The following LRMDA variants were observed in gnomAD, a reference collection of about 807,000 sequenced individuals.
The protein encoded by LRMDA is leucine-rich melanocyte differentiation-associated protein.
LRMDA carries 18 observed loss-of-function variants against 29.8 expected under a neutral mutation model. The observed-to-expected ratio is 0.60, with a 90% confidence interval of 0.42 to 0.90. The LOEUF (loss-of-function observed/expected upper bound fraction) is 0.90. LRMDA is among the 40% of genes least tolerant of loss of function. The pLI is 0.00. For missense variants in LRMDA, 273 were observed against 273.9 expected (o/e 1.00, Z 0.02); for synonymous variants, 125 against 109.4 (o/e 1.14, Z -0.89).
At chr10:76,350,568 G>A (rs987915702) in intron 6 of LRMDA, among the ~76,000 whole-genome samples, 5 of 151,988 alleles carry the variant, frequency 3.3e-5, no homozygotes, top group African/African-American at 1.2e-4. Flanking sequence ...ATAGAAGAGG[G>A]AGGAATATCA....
chr10:75,517,036 A>T (rs2132035175), intron 2 of LRMDA, among the ~76,000 whole-genome samples: 1 of 151,982 alleles, frequency 6.6e-6, no homozygotes, highest in East Asian at 1.9e-4. Flanking sequence ...TTCTGAGGCC[A>T]CTGTTCTGTT....
At chr10:75,627,784 C>T (rs1386047262) in intron 2 of LRMDA, among the ~76,000 whole-genome samples, 1 of 152,212 alleles carries the variant, frequency 6.6e-6, no homozygotes, top group Non-Finnish European at 1.5e-5. Context: ...AAGATATGAA[C>T]ACTAAATTGG....
chr10:76,061,663 G>A (rs956768865), intron 5 of LRMDA, among the ~76,000 whole-genome samples: 5 of 152,244 alleles, frequency 3.3e-5, no homozygotes, highest in African/African-American at 9.6e-5. Flanking sequence ...CTGTGCTCCC[G>A]TTTCATGGAT....
intron 2 of LRMDA, among the ~76,000 whole-genome samples, chr10:75,584,667 G>C (rs534448752): frequency 6.6e-6 from 1 of 152,178 alleles, no homozygotes; most frequent in Non-Finnish European, 1.5e-5. Flanking sequence ...ATGGGGTGGT[G>C]AAAGATATAT....
At position 76,409,131 on chromosome 10, in the gene LRMDA, A is replaced by T. The variant is rs184340994; in HGVS notation, c.601+84646A>T. 2.0e-5 allele frequency among the ~76,000 whole-genome samples: 3 copies of T among 152,200 alleles called. No homozygotes were observed. In the East Asian group the frequency reaches 5.8e-4, roughly 29 times the overall value. On this transcript the variant is annotated intron_variant, in intron 6 of 6. Coordinates refer to ENST00000611255, the MANE Select transcript of LRMDA (RefSeq NM_001305581.2). Reference sequence around the variant, plus strand: ...GGTGATTTTAAATAAACATTCATTCATTCATTCTGTCTCTCTCTACAAGAG... The same window carrying T: ...GGTGATTTTAAATAAACATTCATTCTTTCATTCTGTCTCTCTCTACAAGAG...
intron 6 of LRMDA, among the ~76,000 whole-genome samples, chr10:76,429,023 T>TACACACATAC (rs1554820435): frequency 1.3e-5 from 2 of 149,846 alleles, no homozygotes; most frequent in East Asian, 3.9e-4. Flanking sequence ...CTGCCAATTA[T>TACACACATAC]ACACACACAC....
chr10:75,850,115 C>T (rs966005833), intron 2 of LRMDA, among the ~76,000 whole-genome samples: 2 of 152,088 alleles, frequency 1.3e-5, no homozygotes, highest in Non-Finnish European at 2.9e-5. Context: ...ATAGTCTATC[C>T]AGTTTAATAA....
intron 5 of LRMDA, among the ~76,000 whole-genome samples, chr10:76,217,521 A>C (rs1277164946): frequency 1.3e-5 from 2 of 152,162 alleles, no homozygotes; most frequent in Non-Finnish European, 2.9e-5. Flanking sequence ...TTCCTTGTAG[A>C]TACAGAATAT....
At chr10:76,483,575 G>C (rs1589210907) in intron 6 of LRMDA, among the ~76,000 whole-genome samples, 1 of 151,788 alleles carries the variant, frequency 6.6e-6, no homozygotes, top group East Asian at 2.0e-4. Context: ...TTCCTACCTG[G>C]TTCTGGGGCA....
intron 5 of LRMDA, among the ~76,000 whole-genome samples, chr10:76,086,840 G>A (rs1849144221): frequency 6.6e-6 from 1 of 152,150 alleles, no homozygotes; most frequent in Non-Finnish European, 1.5e-5. Context: ...GCTGTGTACA[G>A]GGCATCTCAG....
At chr10:76,451,321 C>G (rs957837769) in intron 6 of LRMDA, among the ~76,000 whole-genome samples, 3 of 152,068 alleles carry the variant, frequency 2.0e-5, no homozygotes, top group Admixed American at 1.3e-4. Flanking sequence ...CCTGCCTAAG[C>G]CTCCCAAGTA....
chr10:76,475,101 C>T (rs746132979), intron 6 of LRMDA, among the ~76,000 whole-genome samples: 4 of 151,572 alleles, frequency 2.6e-5, no homozygotes, highest in Admixed American at 6.6e-5. Context: ...TAAAAAAACC[C>T]AGTTACCAAT....
intron 2 of LRMDA, among the ~76,000 whole-genome samples, chr10:75,565,999 T>C (rs909575256): frequency 6.6e-6 from 1 of 152,158 alleles, no homozygotes; most frequent in Non-Finnish European, 1.5e-5. Context: ...TGCTTGAGCC[T>C]GGAAGGTCAA....
At chr10:75,451,520 C>G (rs1021021815) in intron 2 of LRMDA, 3 of 152,006 alleles carry the variant, frequency 2.0e-5, no homozygotes, top group Non-Finnish European at 4.4e-5. Flanking sequence ...CAGTGCAGAG[C>G]TAAATAAATG....
chr10:75,947,214 G>A (rs1473594348), intron 2 of LRMDA, among the ~76,000 whole-genome samples: 1 of 152,172 alleles, frequency 6.6e-6, no homozygotes, highest in African/African-American at 2.4e-5. Context: ...GCCAATATCT[G>A]ACCAGTCTTG....
At chr10:76,229,339 T>G (rs11001699) in intron 5 of LRMDA, among the ~76,000 whole-genome samples, 9,250 of 152,056 alleles carry the variant, frequency 0.061, 328 homozygotes, top group South Asian at 0.093. Flanking sequence ...GAGAGAGTAG[T>G]GGGGGTCTGC....
rs1282376087 is a variant in LRMDA, at chr10:75,672,578, T to A, written c.131+234084T>A. On this transcript the variant is annotated intron_variant, in intron 2 of 6. Coordinates refer to ENST00000611255, the MANE Select transcript of LRMDA (RefSeq NM_001305581.2). ...CCCCTCCCCTCCCCTTCCCTTCCCT[T>A]CCCTTCCCTGCTTTTTTTTTTTTTT... Among the ~76,000 whole-genome samples the A allele has an allele frequency of 2.7e-3, 73 of 27,320 alleles. 17 individuals are homozygous for A. Among genetic ancestry groups the A allele is most frequent in the African/African-American group, 0.016 (66 of 4,112 alleles). The allele number at this position is 27,320 out of a possible 152,430, so 17.9% of individuals were successfully genotyped here.
intron 2 of LRMDA, among the ~76,000 whole-genome samples, chr10:75,560,456 A>C (rs1040968648): frequency 8.6e-5 from 13 of 150,390 alleles, no homozygotes; most frequent in Non-Finnish European, 1.6e-4. Context: ...GGTTTTCTAG[A>C]TATACAATCA....
At chr10:76,186,507 T>G (rs1236538148) in intron 5 of LRMDA, among the ~76,000 whole-genome samples, 2 of 152,238 alleles carry the variant, frequency 1.3e-5, no homozygotes, top group African/African-American at 4.8e-5. Context: ...TTGAGCATTT[T>G]GAGCCCAGGC....
Sources: gnomAD v4.1 joint callset for allele counts (sites outside exome capture counted in the v4.1 genomes callset) on GRCh38, gnomAD v4.1.1 for gene constraint, MANE v1.5 for transcripts, NCBI Gene and HGNC (gene_info 2026-07-23, HGNC 2026-07-21) for gene names.